Variants in CADM1 observed in about 807,000 individuals in gnomAD.
CADM1 encodes TSLC-1.
In CADM1, 15 loss-of-function variants were observed where a neutral mutation model predicts 53.1. That is an observed-to-expected ratio of 0.28 (90% confidence interval 0.19 to 0.44). CADM1 has a LOEUF of 0.44. Among genes scored for constraint, CADM1 ranks in the 20% least tolerant of loss-of-function variants. The probability of loss-of-function intolerance (pLI) is 1.00; values close to 1 mark genes in which losing one functional copy is unlikely to be tolerated. For missense variants in CADM1, 434 were observed against 611.3 expected (o/e 0.71, Z 3.06); for synonymous variants, 281 against 243.0 (o/e 1.16, Z -1.45).
rs111927874 is a variant in CADM1 at position 115,454,719 on chromosome 11, A to G, written c.124+49552T>C. Among the ~76,000 whole-genome samples the G allele has an allele frequency of 2.3e-3, 346 of 152,328 alleles. 1 individual carries two copies. Among genetic ancestry groups the G allele is most frequent in the African/African-American group, 8.0e-3 (331 of 41,582 alleles). On this transcript the variant is annotated intron_variant, in intron 1 of 11. Transcript: ENST00000331581. ...TTCTCCCATCCATGGGCAAGGTCCT[A>G]TCTTCTCTTGGTGCAGCCAATAAGG...
chr11:115,184,240 A>T (rs1038606075), intron 10 of CADM1, among the ~76,000 whole-genome samples: 1 of 152,200 alleles, frequency 6.6e-6, no homozygotes. Context: ...GCACCATCTG[A>T]AAAATGTAGC....
chr11:115,315,190 A>AG (rs1171102356), intron 1 of CADM1, among the ~76,000 whole-genome samples: 1 of 152,174 alleles, frequency 6.6e-6, no homozygotes, highest in Non-Finnish European at 1.5e-5. Flanking sequence ...AGGGAGGAAG[A>AG]GAAAAAAAAG....
intron 1 of CADM1, among the ~76,000 whole-genome samples, chr11:115,249,363 T>G (rs1942514467): frequency 6.6e-6 from 1 of 152,226 alleles, no homozygotes; most frequent in African/African-American, 2.4e-5. Flanking sequence ...GAAACTCACA[T>G]TCTTTTAAAA....
intron 1 of CADM1, among the ~76,000 whole-genome samples, chr11:115,257,162 A>C (rs900392038): frequency 6.6e-6 from 1 of 152,036 alleles, no homozygotes; most frequent in African/African-American, 2.4e-5. Context: ...TTTTTAAAAA[A>C]GTTTTTTTTT....
intron 1 of CADM1, among the ~76,000 whole-genome samples, chr11:115,409,542 GA>G (rs1245968936): frequency 6.6e-6 from 1 of 151,994 alleles, no homozygotes; most frequent in African/African-American, 2.4e-5. Context: ...GGCCCACCAA[GA>G]TAAAAGACAT....
chr11:115,403,858 T>C (rs867401966), intron 1 of CADM1, among the ~76,000 whole-genome samples: 2 of 151,382 alleles, frequency 1.3e-5, no homozygotes, highest in African/African-American at 2.4e-5. Flanking sequence ...CAGCCTCCCA[T>C]AGTGCTGGGA....
At chr11:115,420,747 C>T (rs1947734037) in intron 1 of CADM1, among the ~76,000 whole-genome samples, 1 of 152,120 alleles carries the variant, frequency 6.6e-6, no homozygotes, top group African/African-American at 2.4e-5. Context: ...ATCTTAATGA[C>T]CCATGCCGTG....
intron 1 of CADM1, among the ~76,000 whole-genome samples, chr11:115,259,948 C>T (rs888160980): frequency 2.6e-5 from 4 of 152,048 alleles, no homozygotes; most frequent in Non-Finnish European, 5.9e-5. Flanking sequence ...GTTTTTTTGA[C>T]AGCGTCTCAC....
At chr11:115,369,012 A>G (rs1383028037) in intron 1 of CADM1, among the ~76,000 whole-genome samples, 2 of 139,132 alleles carry the variant, frequency 1.4e-5, no homozygotes, top group Non-Finnish European at 3.1e-5. Flanking sequence ...TGCCTAGCAG[A>G]GTGAAAAAAA....
chr11:115,409,891 C>T (rs1947416674), intron 1 of CADM1, among the ~76,000 whole-genome samples: 1 of 152,312 alleles, frequency 6.6e-6, no homozygotes, highest in East Asian at 1.9e-4. Flanking sequence ...GGGCAGAGTG[C>T]ACCAGACAGA....
At chr11:115,453,751 G>T (rs1422613290) in intron 1 of CADM1, among the ~76,000 whole-genome samples, 1 of 152,018 alleles carries the variant, frequency 6.6e-6, no homozygotes, top group Non-Finnish European at 1.5e-5. Flanking sequence ...TGCCCACCTC[G>T]CCCTCCCAAA....
At chr11:115,201,825 GTC>G (rs1292703375) in intron 8 of CADM1, among the ~76,000 whole-genome samples, 14 of 152,026 alleles carry the variant, frequency 9.2e-5, no homozygotes, top group Non-Finnish European at 2.1e-4. Context: ...CTGAGCTACT[GTC>G]TCTTAATTTT....
intron 1 of CADM1, among the ~76,000 whole-genome samples, chr11:115,278,823 A>G (rs1943512961): frequency 6.6e-6 from 1 of 152,232 alleles, no homozygotes; most frequent in African/African-American, 2.4e-5. Context: ...ATCAGATCCT[A>G]GAATTACAAG....
intron 1 of CADM1, among the ~76,000 whole-genome samples, chr11:115,450,443 A>C (rs1384044684): frequency 6.6e-6 from 1 of 152,186 alleles, no homozygotes; most frequent in Non-Finnish European, 1.5e-5. Flanking sequence ...AAACCTGCTA[A>C]ATGCATCCTT....
intron 1 of CADM1, among the ~76,000 whole-genome samples, chr11:115,286,769 G>A (rs1211699643): frequency 6.6e-6 from 1 of 152,062 alleles, no homozygotes; most frequent in Non-Finnish European, 1.5e-5. Context: ...CAGTTTTCCT[G>A]GCAACTCAGC....
intron 1 of CADM1, among the ~76,000 whole-genome samples, chr11:115,484,524 C>A (rs1288844709): frequency 1.3e-5 from 2 of 152,202 alleles, no homozygotes; most frequent in Non-Finnish European, 2.9e-5. Flanking sequence ...CTGTATCCAA[C>A]AACTTCAAGT....
intron 1 of CADM1, among the ~76,000 whole-genome samples, chr11:115,392,108 C>T (rs1340618397): frequency 6.6e-6 from 1 of 152,086 alleles, no homozygotes; most frequent in East Asian, 1.9e-4. Context: ...AATTGTAATC[C>T]TTTCCCTAGT....
At chr11:115,485,662 G>A (rs1043152291) in intron 1 of CADM1, among the ~76,000 whole-genome samples, 4 of 152,142 alleles carry the variant, frequency 2.6e-5, no homozygotes, top group Admixed American at 6.6e-5. Context: ...AATGTAAGAT[G>A]TGCCTTTTGT....
chr11:115,383,874 T>C (rs1264359121), intron 1 of CADM1, among the ~76,000 whole-genome samples: 1 of 151,932 alleles, frequency 6.6e-6, no homozygotes, highest in African/African-American at 2.4e-5. Context: ...TTACCTTTCA[T>C]AGCAAGAGCC....
Sources: allele counts gnomAD v4.1 joint callset (sites outside exome capture counted in the v4.1 genomes callset), GRCh38; gene constraint gnomAD v4.1.1; transcripts MANE v1.5; gene names NCBI Gene and HGNC (gene_info 2026-07-23, HGNC 2026-07-21).